COL20A1: variants seen among roughly 807,000 people sequenced by gnomAD.
COL20A1 encodes collagen alpha-1(XX) chain.
COL20A1 carries 164 observed loss-of-function variants against 152.9 expected under a neutral mutation model. The ratio of observed to expected loss-of-function variants is 1.07; its 90% CI spans 0.94 to 1.22. The LOEUF (loss-of-function observed/expected upper bound fraction) is 1.22, where lower values mean the gene tolerates loss of function less well. Ranked by LOEUF, COL20A1 falls within the 50% of genes most tolerant of loss-of-function variation. The pLI is 0.00. For synonymous variants in COL20A1, 864 were observed against 756.0 expected (o/e 1.14, Z -2.34); for missense variants, 1,873 against 1,744.8 (o/e 1.07, Z -1.31).
At chr20:63,326,536 A>G (rs2068251820) in intron 30 of COL20A1, among the ~76,000 whole-genome samples, 1 of 151,784 alleles carries the variant, frequency 6.6e-6, no homozygotes, top group Admixed American at 6.5e-5. Flanking sequence ...GCGTGCTGAC[A>G]GTGCTGGAGG....
intron 29 of COL20A1, 109 bp downstream of exon 29, chr20:63,325,830 C>A (rs2068238860): frequency 9.8e-7 from 1 of 1,019,060 alleles, no homozygotes. Flanking sequence ...GTGCTTTCTC[C>A]TGGGCTCCTG....
In COL20A1 at chr20:63,311,423, C is replaced by T. The variant is rs759688318; in HGVS notation, c.1423C>T (p.Leu475=). The change falls in exon 12 of 36, where the codon CTG becomes TTG. Residue 475 remains leucine, a synonymous_variant. Transcript: ENST00000358894. This position sits in a 1 kb window ranked among gnomAD's most constrained non-coding sequence, Gnocchi z 4.4. ...APLPPPRALT[L]AAVTPRTVHL... Reference sequence around the variant, plus strand: ...TCTGCCTCCGCCCCGGGCGCTGACCCTGGCCGCAGTGACGCCCAGAACCGT... The same window carrying T: ...TCTGCCTCCGCCCCGGGCGCTGACCTTGGCCGCAGTGACGCCCAGAACCGT... The T allele has an allele frequency of 7.0e-6, 11 of 1,578,660 alleles. No homozygotes were observed. In the East Asian group the frequency reaches 2.6e-4, roughly 37 times the overall value.
chr20:63,327,055 C>G (rs375575195), intron 31 of COL20A1: 28 of 448,954 alleles, frequency 6.2e-5, no homozygotes, highest in African/African-American at 3.1e-4. Context: ...CCATGGACTT[C>G]CTGTTGACCA....
At position 63,297,986 on chromosome 20, in the gene COL20A1, C is replaced by T. The variant is rs768096132; in HGVS notation, c.159C>T (p.Gly53=). The change falls in exon 3 of 36, where the codon GGC becomes GGT. Residue 53 remains glycine, a synonymous_variant. Coordinates refer to ENST00000358894, the MANE Select transcript of COL20A1 (RefSeq NM_020882.4). ...QMKWRESEGS[G]LGYLVQVKPM... ...AGTGGAGAGAGTCGGAGGGGAGCGG[C>T]CTCGGCTACCTGGTGCAGGTGAAGC... 4 of 1,612,616 alleles carry T rather than the reference C, an allele frequency of 2.5e-6. No individual in the cohort carries two copies. Among genetic ancestry groups the T allele is most frequent in the Non-Finnish European group, 3.4e-6 (4 of 1,179,752 alleles).
intron 19 of COL20A1, among the ~76,000 whole-genome samples, chr20:63,314,821 GCCCCCAGCC>G (rs769457217): frequency 0.065 from 9,555 of 147,660 alleles, 393 homozygotes; most frequent in Middle Eastern, 0.11. Flanking sequence ...GGACACGCGT[GCCCCCAGCC>G]TGCCCGCACA....
In COL20A1 at chr20:63,309,444, TCAGCCGTCTCATCTGCCAGAGGCTCCAG is replaced by T. The variant is rs766154761; in HGVS notation, c.1053_1080del (p.Ser352ValfsTer25). 7 of 1,541,320 alleles carry T rather than the reference TCAGCCGTCTCATCTGCCAGAGGCTCCAG, an allele frequency of 4.5e-6. No individual in the cohort carries two copies. The highest frequency in any genetic ancestry group is 1.7e-4 in the Middle Eastern group (1 of 5,852). ...CAGCTCGGCGCGCTGGCTGGCCTGCTCAGCCGTCTCATCTGCCAGAGGCTCCAGGGTGGGAGCCCGCGGCAGGGCCCAG... is the reference window on the plus strand; with the variant it reads ...CAGCTCGGCGCGCTGGCTGGCCTGCTGGTGGGAGCCCGCGGCAGGGCCCAG... On this transcript the variant is annotated frameshift_variant, in exon 9 of 36. Transcript: ENST00000358894. LOFTEE classifies it high-confidence loss of function.
At chr20:63,307,784 TG>T in intron 6 of COL20A1, 136 bp downstream of exon 6, 1 of 1,161,052 alleles carries the variant, frequency 8.6e-7, no homozygotes, top group Non-Finnish European at 1.2e-6. Flanking sequence ...CTGCTCCACA[TG>T]GGGTGTTCTG....
chr20:63,300,741 G>A (rs1363222140), intron 3 of COL20A1, among the ~76,000 whole-genome samples: 1 of 152,122 alleles, frequency 6.6e-6, no homozygotes, highest in South Asian at 2.1e-4. Context: ...GGATGCTTAA[G>A]TTCATTGATT....
Position 63,329,570 on chromosome 20 carries a change from T to G in COL20A1, c.3782-15T>G. ...TGCATTGCTCCGTCCTCACATGCCCTCCCTTTCCTCGCAGGGGAGCCTGGA... is the reference window on the plus strand; with the variant it reads ...TGCATTGCTCCGTCCTCACATGCCCGCCCTTTCCTCGCAGGGGAGCCTGGA... On this transcript the variant is annotated splice_polypyrimidine_tract_variant and intron_variant, in intron 34 of 35. Transcript: ENST00000358894. 1 of 1,606,712 alleles carries G rather than the reference T, an allele frequency of 6.2e-7. No homozygotes were observed. Among genetic ancestry groups the G allele is most frequent in the South Asian group, 1.1e-5 (1 of 90,002 alleles).
chr20:63,333,959 A>G lies in COL20A1; in HGVS notation c.*3243A>G, dbSNP rs1432659920. The G allele has an allele frequency of 6.6e-6, 1 of 152,294 alleles. No individual in the cohort carries two copies. The highest frequency in any genetic ancestry group is 6.5e-5 in the Admixed American group (1 of 15,290). The allele number at this position is 152,294 out of a possible 1,614,324, so 9.4% of individuals were successfully genotyped here. A position where few individuals can be genotyped will look rare whatever the true frequency, so the allele number is the denominator to read the frequency against. On this transcript the variant is annotated 3_prime_UTR_variant, in exon 36 of 36. Transcript: ENST00000358894. ...TGGTGGGGGAAGCCAGTGTCTGTAG[A>G]TTCAGTGCATTTCTTGGGGAAGGGC...
rs774028550 is a variant in COL20A1 at position 63,308,688 on chromosome 20, G to A, written c.922G>A (p.Val308Met). Residue 308 changes from valine (V) to methionine (M), a missense_variant, in exon 8 of 36, where the codon GTG becomes ATG. Physicochemically the swap from Val to Met is conservative, Grantham distance 21 (BLOSUM62 1). Transcript: ENST00000358894. ...TGCCCGTGTCCTCAAGGACCTGGGC[G>A]TGAACGTCTTCGCTGTGGGTGAGCA... ...TAARVLKDLG[V>M]NVFAVGVKNA... is the part of the protein sequence containing the mutation. 78 of 1,604,852 alleles carry A rather than the reference G, an allele frequency of 4.9e-5. No individual in the cohort carries two copies. Among genetic ancestry groups the A allele is most frequent in the Middle Eastern group, 3.3e-4 (2 of 6,040 alleles).
Position 63,331,452 on chromosome 20 carries a change from C to G in COL20A1, c.*736C>G, listed in dbSNP as rs1449429918. 1 of 152,398 alleles carries G rather than the reference C, an allele frequency of 6.6e-6. No homozygotes were observed. Among genetic ancestry groups the G allele is most frequent in the East Asian group, 1.9e-4 (1 of 5,200 alleles). 9.4% of individuals were successfully genotyped at this position (152,398 alleles called of 1,614,324 possible). ...CTTTGAGACTTGGCACCATCAGCCC[C>G]TGGTCCTTAGGGTCTCAGAGCAAGG... On this transcript the variant is annotated 3_prime_UTR_variant, in exon 36 of 36. Transcript: ENST00000358894.
rs1459484971 is a variant in COL20A1 at position 63,328,115 on chromosome 20, G to A, written c.3601G>A (p.Val1201Met). ...PQSLATLYQL[V>M]SQASHVSKFD... The stretch of plus-strand genomic sequence containing the variant: ...GTCCCTTGCCACCCTCTACCAGCTT[G>A]TGAGCCAGGCCTGTGAGTCTGCCAT... The change falls in exon 33 of 36, where the codon GTG (valine) becomes ATG (methionine). Residue 1201 changes from valine (V) to methionine (M), a missense_variant. By Grantham distance (21) the Val-to-Met change is conservative. Transcript: ENST00000358894. The A allele has an allele frequency of 1.9e-6, 3 of 1,613,232 alleles. No homozygotes were observed. Among genetic ancestry groups the A allele is most frequent in the Non-Finnish European group, 2.5e-6 (3 of 1,179,798 alleles).
At chr20:63,325,587 T>TG in intron 28 of COL20A1, 81 bp from the exon 29 acceptor site, 3 of 1,483,368 alleles carry the variant, frequency 2.0e-6, no homozygotes, top group South Asian at 1.1e-5. Flanking sequence ...GCACAGGGGT[T>TG]GGGGGTGAGG....
chr20:63,320,453 C>A, intron 25 of COL20A1, 85 bp downstream of exon 25: 1 of 1,328,822 alleles, frequency 7.5e-7, no homozygotes, highest in Non-Finnish European at 1.1e-6. Context: ...GTCAGTTGGC[C>A]TGTCCAGATT....
intron 19 of COL20A1, 107 bp downstream of exon 19, chr20:63,314,308 C>A: frequency 1.0e-6 from 1 of 1,001,970 alleles, no homozygotes; most frequent in African/African-American, 1.6e-5. Context: ...CCCAGCCAAC[C>A]CCAGACCTAG....
At chr20:63,321,927 C>T (rs1420090806) in intron 26 of COL20A1, 131 bp from the exon 27 acceptor site, 2 of 630,942 alleles carry the variant, frequency 3.2e-6, no homozygotes, top group Admixed American at 3.6e-5. Flanking sequence ...CCCTTGACAG[C>T]AGTGGACAGT....
At chr20:63,297,876 G>A in intron 2 of COL20A1, 34 bp from the exon 3 acceptor site, 1 of 1,559,368 alleles carries the variant, frequency 6.4e-7, no homozygotes, top group Non-Finnish European at 8.8e-7. Context: ...GGGGAGGCCA[G>A]GTCAGTCCTG....
rs546168021 is a variant in COL20A1 at position 63,309,701 on chromosome 20, G to A, written c.1106-57G>A. 7.9e-5 allele frequency: 114 copies of A among 1,449,454 alleles called. No individual in the cohort carries two copies. In the African/African-American group the frequency reaches 1.2e-3, roughly 15 times the overall value. 89.8% of individuals were successfully genotyped at this position (1,449,454 alleles called of 1,614,324 possible). A position where few individuals can be genotyped will look rare whatever the true frequency, so the allele number is the denominator to read the frequency against. On this transcript the variant is annotated intron_variant, in intron 9 of 35. Transcript: ENST00000358894. ...CCTGTGAGTGGCCACCAGGGGGAGC[G>A]TGGACACAGCTGCCCGTGCAGTGAC...
Sources: allele counts gnomAD v4.1 joint callset (sites outside exome capture counted in the v4.1 genomes callset), GRCh38; gene constraint gnomAD v4.1.1; non-coding constraint Gnocchi (gnomAD v3.1); transcripts MANE v1.5; gene names NCBI Gene and HGNC (gene_info 2026-07-23, HGNC 2026-07-21).